Variants in HERC2 observed in about 807,000 individuals in gnomAD.
HERC2 encodes the protein E3 ubiquitin-protein ligase HERC2.
A neutral mutation model predicts 537.7 loss-of-function variants in HERC2; 102 were observed. The observed-to-expected ratio is 0.19, with a 90% CI of 0.16 to 0.22. The LOEUF (loss-of-function observed/expected upper bound fraction) is 0.22, where lower values mean the gene tolerates loss of function less well. HERC2 is among the 10% of genes least tolerant of loss of function. HERC2 has a pLI of 1.00. For missense variants in HERC2, 4,236 were observed against 6,198.2 expected (o/e 0.68, Z 10.63); for synonymous variants, 2,224 against 2,466.2 (o/e 0.90, Z 2.91).
At chr15:28,116,559 C>G (rs1450533574) in intron 88 of HERC2, 106 bp downstream of exon 88, 6 of 1,153,076 alleles carry the variant, frequency 5.2e-6, no homozygotes, top group African/African-American at 3.1e-5. Flanking sequence ...AAACTAAAAG[C>G]AGATATTCAA....
In HERC2 at chr15:28,238,224, C is replaced by G. The variant is rs1902665885; in HGVS notation, c.3749-7G>C. Reference sequence around the variant, plus strand: ...TCTTCCCCTGCAAACTGAGCTGAAACAAAAAGGGAAAAAGCAACATGAGTT... The same window carrying G: ...TCTTCCCCTGCAAACTGAGCTGAAAGAAAAAGGGAAAAAGCAACATGAGTT... On this transcript the variant is annotated splice_region_variant and splice_polypyrimidine_tract_variant and intron_variant, in intron 24 of 92. Transcript: ENST00000261609. 2.6e-6 allele frequency: 4 copies of G among 1,551,554 alleles called. No homozygotes were observed. The highest frequency in any genetic ancestry group is 3.6e-6 in the Non-Finnish European group (4 of 1,124,942).
rs552182472 is a variant in HERC2, at chr15:28,245,546, C to CA, written c.3577+334dup. ...TGGGCAACAGAGCAAGATGTAGTGTCAAAAAAAAAAAAAAATATATACACA... is the reference window on the plus strand; with the variant it reads ...TGGGCAACAGAGCAAGATGTAGTGTCAAAAAAAAAAAAAAAATATATACACA... On this transcript the variant is annotated intron_variant, in intron 23 of 92. Coordinates refer to ENST00000261609, the MANE Select transcript of HERC2 (RefSeq NM_004667.6). 5.4e-3 allele frequency among the ~76,000 whole-genome samples: 576 copies of CA among 106,980 alleles called. 8 individuals are homozygous for CA. Among genetic ancestry groups the CA allele is most frequent in the African/African-American group, 0.016 (480 of 30,096 alleles). The allele number at this position is 106,980 out of a possible 152,430, so 70.2% of individuals were successfully genotyped here. A position where few individuals can be genotyped will look rare whatever the true frequency, so the allele number is the denominator to read the frequency against.
At chr15:28,215,892 AT>A in intron 38 of HERC2, 90 bp from the exon 39 acceptor site, 2 of 953,234 alleles carry the variant, frequency 2.1e-6, no homozygotes. Flanking sequence ...AACTTATTTT[AT>A]TTTTCTAAAA....
chr15:28,279,893 G>A (rs1026436607), intron 5 of HERC2, 175 bp downstream of exon 5: 2 of 605,314 alleles, frequency 3.3e-6, no homozygotes, highest in Admixed American at 6.2e-5. Context: ...ATTACTACAT[G>A]AGCAAATTGG....
Position 28,124,076 on chromosome 15 carries a change from C to A in HERC2, c.13149G>T (p.Gly4383=), listed in dbSNP as rs758751642. ...LDETGLGPSV[G]FDTLRGILIS... ...TCAGAATTCCTCGGAGAGTGTCGAACCCAACAGAAGGCCCGAGTCCAGTTT... is the reference window on the plus strand; with the variant it reads ...TCAGAATTCCTCGGAGAGTGTCGAAACCAACAGAAGGCCCGAGTCCAGTTT... Residue 4383 remains glycine, a synonymous_variant, in exon 85 of 93, where the codon GGG becomes GGT. Coordinates refer to ENST00000261609, the MANE Select transcript of HERC2 (RefSeq NM_004667.6). 7.5e-6 allele frequency: 12 copies of A among 1,606,596 alleles called. No individual in the cohort carries two copies. In the African/African-American group the frequency reaches 1.5e-4, roughly 20 times the overall value.
At chr15:28,287,457 T>C (rs545603316) in intron 4 of HERC2, among the ~76,000 whole-genome samples, 1 of 152,210 alleles carries the variant, frequency 6.6e-6, no homozygotes, top group East Asian at 1.9e-4. Context: ...TGGGCTTTAA[T>C]CTGAGCAAGA....
In HERC2 at chr15:28,115,343, G is replaced by C. The variant is rs150604303; in HGVS notation, c.13722+86C>G. The C allele has an allele frequency of 6.3e-4, 508 of 801,492 alleles. 2 individuals carry two copies. The African/African-American group carries it at 7.9e-3, about 12-fold the overall frequency. 49.6% of individuals were successfully genotyped at this position (801,492 alleles called of 1,614,324 possible). ...TCACCTGGGCACTGAGATTAGGCCA[G>C]AGTTCACAGCCTGACCGGACCCGCA... On this transcript the variant is annotated intron_variant, in intron 89 of 92. Coordinates refer to ENST00000261609, the MANE Select transcript of HERC2 (RefSeq NM_004667.6).
intron 30 of HERC2, among the ~76,000 whole-genome samples, chr15:28,232,256 T>C (rs1270164746): frequency 6.6e-6 from 1 of 152,074 alleles, no homozygotes; most frequent in Non-Finnish European, 1.5e-5. Context: ...AAGAATATGA[T>C]CAGAGGCCAG....
chr15:28,295,318 G>C (rs1420478039), intron 3 of HERC2, among the ~76,000 whole-genome samples: 1 of 128,416 alleles, frequency 7.8e-6, no homozygotes, highest in African/African-American at 2.8e-5. Context: ...TGGGGGGGGG[G>C]GAGTGGGGGG....
chr15:28,318,202 G>T (rs1304054639), intron 2 of HERC2, among the ~76,000 whole-genome samples: 1 of 152,126 alleles, frequency 6.6e-6, no homozygotes. Flanking sequence ...AATCACATCA[G>T]ATTACAAGTA....
chr15:28,289,371 GAT>G (rs1488179960), intron 4 of HERC2, among the ~76,000 whole-genome samples: 3 of 149,922 alleles, frequency 2.0e-5, no homozygotes, highest in Non-Finnish European at 1.5e-5. Flanking sequence ...TTACAAATAT[GAT>G]GTAAAAATCC....
intron 83 of HERC2, among the ~76,000 whole-genome samples, chr15:28,127,451 C>T (rs1889624511): frequency 1.3e-5 from 2 of 152,222 alleles, no homozygotes; most frequent in Admixed American, 1.3e-4. Context: ...CCCTGTGGAT[C>T]CAAACTGGAC....
chr15:28,132,534 T>C, intron 80 of HERC2, 119 bp downstream of exon 80: 1 of 1,051,590 alleles, frequency 9.5e-7, no homozygotes, highest in Non-Finnish European at 1.3e-6. Flanking sequence ...CACCCAAAAA[T>C]ACAGTGGGCC....
chr15:28,297,911 C>G (rs1323713219), intron 3 of HERC2, among the ~76,000 whole-genome samples: 24 of 147,994 alleles, frequency 1.6e-4, no homozygotes, highest in African/African-American at 5.8e-4. Context: ...GTGAGACAAA[C>G]GGTGGATGGA....
intron 4 of HERC2, among the ~76,000 whole-genome samples, chr15:28,289,509 T>A (rs1214928106): frequency 5.9e-5 from 9 of 152,176 alleles, no homozygotes; most frequent in Admixed American, 1.3e-4. Flanking sequence ...AACTAAGCAG[T>A]GAAACTGCTC....
Position 28,229,809 on chromosome 15 carries a change from A to G in HERC2, c.4848T>C (p.Val1616=). 7.1e-7 allele frequency: 1 copy of G among 1,417,684 alleles called. No individual in the cohort carries two copies. The highest frequency in any genetic ancestry group is 1.0e-6 in the Non-Finnish European group (1 of 1,002,966). The allele number at this position is 1,417,684 out of a possible 1,614,324, so 87.8% of individuals were successfully genotyped here. ...TCTGCTTCAACCACTTGTATTTGTG[A>G]ACACCTGTAACAGTACTCAACAGCG... ...WQPLLSTVTG[V]HKYKWLKQNV... The change falls in exon 32 of 93, where the codon GTT becomes GTC. Residue 1616 remains valine (V), a synonymous_variant. Transcript: ENST00000261609.
rs762697824 is a variant in HERC2, at chr15:28,260,967, T to G, written c.2126A>C (p.Lys709Thr). 2.5e-6 allele frequency: 4 copies of G among 1,612,792 alleles called. No individual in the cohort carries two copies. The highest frequency in any genetic ancestry group is 3.4e-6 in the Non-Finnish European group (4 of 1,179,264). The change falls in exon 16 of 93, where the codon AAG becomes ACG. Residue 709 changes from lysine (K) to threonine (T), a missense_variant. This residue lies in a region of HERC2 where 754 missense variants were observed against 1,085.0 expected (regional missense o/e 0.69). Coordinates refer to ENST00000261609, the MANE Select transcript of HERC2 (RefSeq NM_004667.6). ...GCCTGCAGCCACATCAATCACCTTC[T>G]TCCCTACAAGGGAAGAGGGATGCAG... The part of the protein sequence containing the change: ...YPKLLEGLQG[K>T]KVIDVAAGST...
chr15:28,304,336 C>A (rs953575858), intron 2 of HERC2, among the ~76,000 whole-genome samples: 3 of 151,062 alleles, frequency 2.0e-5, no homozygotes, highest in Admixed American at 2.0e-4. Flanking sequence ...TTGGCATCTT[C>A]ATTTCCAATT....
rs539203255 is a variant in HERC2, at chr15:28,254,239, C to T, written c.3050+101G>A. The T allele has an allele frequency of 1.7e-4, 128 of 766,908 alleles. 1 individual carries two copies. Among genetic ancestry groups the T allele is most frequent in the South Asian group, 1.2e-3 (67 of 55,800 alleles). 47.5% of individuals were successfully genotyped at this position (766,908 alleles called of 1,614,324 possible). A position where few individuals can be genotyped will look rare whatever the true frequency, so the allele number is the denominator to read the frequency against. ...CGGAGCTTGCAGTGAGCCAAGATGG[C>T]GCCATAGCACTCCGGCCTGGGCAAC... On this transcript the variant is annotated intron_variant, in intron 20 of 92. Transcript: ENST00000261609.
Sources: gnomAD v4.1 joint callset for allele counts (sites outside exome capture counted in the v4.1 genomes callset) on GRCh38, gnomAD v4.1.1 for gene constraint, gnomAD v4.1.1 regional missense constraint, MANE v1.5 for transcripts, NCBI Gene and HGNC (gene_info 2026-07-23, HGNC 2026-07-21) for gene names.